GULP1: variants seen among roughly 807,000 people sequenced by gnomAD.
GULP1 encodes GULP PTB domain containing engulfment adaptor 1.
A neutral mutation model predicts 40.9 loss-of-function variants in GULP1; 19 were observed. That is an observed-to-expected ratio of 0.46 (90% CI 0.32 to 0.68). The LOEUF is 0.68. Among genes scored for constraint, GULP1 ranks in the 30% least tolerant of loss-of-function variants. The probability of loss-of-function intolerance (pLI) is 0.03; values close to 1 mark genes in which losing one functional copy is unlikely to be tolerated. For synonymous variants in GULP1, 119 were observed against 117.6 expected (o/e 1.01, Z -0.08); for missense variants, 312 against 362.2 (o/e 0.86, Z 1.12).
At position 188,594,986 on chromosome 2, in the gene GULP1, G is replaced by T; in HGVS notation, c.*975G>T. On this transcript the variant is annotated 3_prime_UTR_variant, in exon 12 of 12. Transcript: ENST00000409830. The stretch of plus-strand genomic sequence containing the variant: ...TGATACTTTAAAATCTGTGGCACCC[G>T]TTCTACATGAATTATCAATATTTGG... The T allele has an allele frequency of 6.9e-6, 1 of 145,838 alleles. No homozygotes were observed. The highest frequency in any genetic ancestry group is 1.5e-5 in the Non-Finnish European group (1 of 66,742). 9.0% of individuals were successfully genotyped at this position (145,838 alleles called of 1,614,324 possible). A position where few individuals can be genotyped will look rare whatever the true frequency, so the allele number is the denominator to read the frequency against.
At chr2:188,453,233 A>G (rs777684917) in intron 2 of GULP1, among the ~76,000 whole-genome samples, 7 of 152,220 alleles carry the variant, frequency 4.6e-5, no homozygotes, top group African/African-American at 7.2e-5. Context: ...TTCTAATTTT[A>G]TGTGTTAATA....
intron 1 of GULP1, among the ~76,000 whole-genome samples, chr2:188,338,356 G>T (rs1395382628): frequency 6.7e-6 from 1 of 149,910 alleles, no homozygotes; most frequent in Non-Finnish European, 1.5e-5. Context: ...AGAGCTCACT[G>T]CAGTCTCCAT....
chr2:188,523,029 T>C, intron 5 of GULP1: 1 of 451,480 alleles, frequency 2.2e-6, no homozygotes, highest in South Asian at 3.3e-5. Context: ...AAATATGGCA[T>C]ACTGTTCACA....
At chr2:188,579,415 ATTAG>A (rs1484525700) in intron 9 of GULP1, among the ~76,000 whole-genome samples, 6 of 152,034 alleles carry the variant, frequency 3.9e-5, no homozygotes, top group Non-Finnish European at 8.8e-5. Context: ...ATTGATACAT[ATTAG>A]TTGTACATGT....
chr2:188,567,495 G>T (rs996248010), intron 7 of GULP1, among the ~76,000 whole-genome samples: 15 of 152,142 alleles, frequency 9.9e-5, no homozygotes, highest in South Asian at 2.1e-4. Context: ...GCAGGGACAT[G>T]GATGAAGCTG....
intron 9 of GULP1, among the ~76,000 whole-genome samples, chr2:188,572,684 A>G (rs1431617580): frequency 6.6e-6 from 1 of 152,092 alleles, no homozygotes; most frequent in Non-Finnish European, 1.5e-5. Flanking sequence ...TAAATTGTTG[A>G]TATGCTGGAA....
At chr2:188,481,473 A>G (rs2061442157) in intron 3 of GULP1, among the ~76,000 whole-genome samples, 1 of 151,962 alleles carries the variant, frequency 6.6e-6, no homozygotes, top group Admixed American at 6.6e-5. Context: ...GCTTGATAAT[A>G]TGGATGCAGA....
In GULP1 at chr2:188,446,241, A is replaced by C. The variant is rs367923466; in HGVS notation, c.-44-31418A>C. ...AGCCAACTTGTGACTGTGAAACAACAACCTAAACACAAGAGTAATCATGTG... is the reference window on the plus strand; with the variant it reads ...AGCCAACTTGTGACTGTGAAACAACCACCTAAACACAAGAGTAATCATGTG... On this transcript the variant is annotated intron_variant, in intron 2 of 11. Transcript: ENST00000409830. Among the ~76,000 whole-genome samples the C allele has an allele frequency of 6.6e-5, 10 of 152,290 alleles. No individual in the cohort carries two copies. In the South Asian group the frequency reaches 1.7e-3, roughly 25 times the overall value.
At position 188,519,632 on chromosome 2, in the gene GULP1, A is replaced by G. The variant is rs1191066262; in HGVS notation, c.91-3124A>G. Among the ~76,000 whole-genome samples the G allele has an allele frequency of 2.6e-5, 4 of 152,160 alleles. No homozygotes were observed. In the East Asian group the frequency reaches 5.8e-4, roughly 22 times the overall value. Reference sequence around the variant, plus strand: ...GTTTCTATTATGTTAAATCCTCTTCAGTTACTTGAACTCTTCTTCCTTTCT... The same window carrying G: ...GTTTCTATTATGTTAAATCCTCTTCGGTTACTTGAACTCTTCTTCCTTTCT... On this transcript the variant is annotated intron_variant, in intron 4 of 11. Coordinates refer to ENST00000409830, the MANE Select transcript of GULP1 (RefSeq NM_016315.4).
intron 1 of GULP1, among the ~76,000 whole-genome samples, chr2:188,376,527 A>G (rs760738789): frequency 6.6e-5 from 10 of 152,232 alleles, no homozygotes; most frequent in Non-Finnish European, 1.5e-4. Context: ...GCCATAAGCC[A>G]TAAGGTTTTT....
chr2:188,548,605 A>T (rs986312243), intron 7 of GULP1, among the ~76,000 whole-genome samples: 1 of 152,062 alleles, frequency 6.6e-6, no homozygotes, highest in Non-Finnish European at 1.5e-5. Flanking sequence ...AAAGCAGAGG[A>T]ACTGGAATCA....
chr2:188,397,544 T>G (rs1487405904), intron 2 of GULP1, among the ~76,000 whole-genome samples: 2 of 152,252 alleles, frequency 1.3e-5, no homozygotes, highest in Non-Finnish European at 2.9e-5. Context: ...ATGTTGCTGA[T>G]ATGAAAAATT....
At chr2:188,531,478 C>T (rs980634547) in intron 6 of GULP1, among the ~76,000 whole-genome samples, 32 of 152,132 alleles carry the variant, frequency 2.1e-4, no homozygotes, top group African/African-American at 5.8e-4. Context: ...CTTTTCAAGA[C>T]GTGAATTTAA....
chr2:188,532,005 T>C (rs1330737769), intron 6 of GULP1, among the ~76,000 whole-genome samples: 1 of 152,196 alleles, frequency 6.6e-6, no homozygotes, highest in Non-Finnish European at 1.5e-5. Context: ...TGTACATGTT[T>C]GTGTGTGTAT....
At chr2:188,376,113 T>A (rs1293023374) in intron 1 of GULP1, among the ~76,000 whole-genome samples, 2 of 151,934 alleles carry the variant, frequency 1.3e-5, no homozygotes, top group African/African-American at 2.4e-5. Flanking sequence ...TACCTGGAGG[T>A]GGACCGACCC....
chr2:188,437,646 T>C (rs1216329329), intron 2 of GULP1, among the ~76,000 whole-genome samples: 1 of 152,060 alleles, frequency 6.6e-6, no homozygotes, highest in Non-Finnish European at 1.5e-5. Context: ...TGCAGTGCTA[T>C]TCACAATAGC....
intron 1 of GULP1, among the ~76,000 whole-genome samples, chr2:188,324,994 G>A (rs1189191337): frequency 2.0e-5 from 3 of 151,808 alleles, no homozygotes; most frequent in Admixed American, 1.3e-4. Context: ...ATTATAGAAT[G>A]AGTGCAAAAT....
chr2:188,578,652 A>T (rs1336811552), intron 9 of GULP1, among the ~76,000 whole-genome samples: 1 of 152,138 alleles, frequency 6.6e-6, no homozygotes. Context: ...TTACCATATA[A>T]TTTTTGAGCA....
intron 1 of GULP1, among the ~76,000 whole-genome samples, chr2:188,349,184 T>A (rs780262066): frequency 6.6e-6 from 1 of 152,218 alleles, no homozygotes; most frequent in Non-Finnish European, 1.5e-5. Context: ...TTCCACAGTT[T>A]GTCTATTTTG....
Sources: allele counts gnomAD v4.1 joint callset (sites outside exome capture counted in the v4.1 genomes callset), GRCh38; gene constraint gnomAD v4.1.1; transcripts MANE v1.5; gene names NCBI Gene and HGNC (gene_info 2026-07-23, HGNC 2026-07-21).